The following DLG5 variants were observed in gnomAD, a reference collection of about 807,000 sequenced individuals.
DLG5 encodes discs large MAGUK scaffold protein 5, also known as disks large homolog 5.
In DLG5, 48 loss-of-function variants were observed where a neutral mutation model predicts 189.8. The observed-to-expected ratio is 0.25, with a 90% CI of 0.20 to 0.32. The LOEUF (loss-of-function observed/expected upper bound fraction) is 0.32, where lower values mean the gene tolerates loss of function less well. DLG5 is among the 10% of genes least tolerant of loss of function. DLG5 has a pLI of 1.00. For missense variants in DLG5, 2,160 were observed against 2,544.7 expected (o/e 0.85, Z 3.25); for synonymous variants, 1,016 against 1,054.1 (o/e 0.96, Z 0.70).
chr10:77,897,956 T>C (rs973335641), intron 1 of DLG5, among the ~76,000 whole-genome samples: 1 of 152,130 alleles, frequency 6.6e-6, no homozygotes, highest in Admixed American at 6.5e-5. Context: ...TCCTTTCCCA[T>C]AGATAGCATA....
At chr10:77,850,921 T>A (rs1843939150) in intron 5 of DLG5, among the ~76,000 whole-genome samples, 1 of 152,190 alleles carries the variant, frequency 6.6e-6, no homozygotes, top group Non-Finnish European at 1.5e-5. Flanking sequence ...GATGATTCTC[T>A]CAAGGAAGTA....
At chr10:77,806,583 G>A (rs1189075429) in intron 26 of DLG5, among the ~76,000 whole-genome samples, 175 bp downstream of exon 26, 1 of 152,168 alleles carries the variant, frequency 6.6e-6, no homozygotes, top group East Asian at 1.9e-4. Context: ...CTCACACTAG[G>A]AGCAGCTTTT....
At chr10:77,891,867 A>G (rs1166788658) in intron 1 of DLG5, among the ~76,000 whole-genome samples, 3 of 152,164 alleles carry the variant, frequency 2.0e-5, no homozygotes, top group Non-Finnish European at 4.4e-5. Flanking sequence ...TGCTGGCTGT[A>G]TAACTTTGAA....
In DLG5 at chr10:77,853,472, C is replaced by A; in HGVS notation, c.746G>T (p.Arg249Leu). 6.2e-7 allele frequency: 1 copy of A among 1,611,816 alleles called. No individual in the cohort carries two copies. Among genetic ancestry groups the A allele is most frequent in the East Asian group, 2.2e-5 (1 of 44,846 alleles). ...CTCCCGCAGCAGCTGCCCATTCTCCCGCCTCAGCATGTCCACGTCATCCTT... is the reference window on the plus strand; with the variant it reads ...CTCCCGCAGCAGCTGCCCATTCTCCAGCCTCAGCATGTCCACGTCATCCTT... ...RLKDDVDMLRRENGQLLRERN... is the reference protein window; with the variant it reads ...RLKDDVDMLRLENGQLLRERN... The change falls in exon 5 of 32, where the codon CGG (arginine) becomes CTG (leucine). Residue 249 changes from arginine (R) to leucine (L), a missense_variant. By Grantham distance (102) the Arg-to-Leu change is moderately radical. Around this residue, in one of 5 missense-constraint regions of DLG5, gnomAD observed 664 missense variants for 838.5 expected, o/e 0.79. Coordinates refer to ENST00000372391, the MANE Select transcript of DLG5 (RefSeq NM_004747.4).
chr10:77,901,493 C>T (rs1218903048), intron 1 of DLG5, among the ~76,000 whole-genome samples: 9 of 152,222 alleles, frequency 5.9e-5, no homozygotes, highest in Admixed American at 5.9e-4. Flanking sequence ...GGAAGTAGCA[C>T]ATCCACACAG....
chr10:77,809,995 G>A (rs925436948), intron 23 of DLG5, among the ~76,000 whole-genome samples: 11 of 152,174 alleles, frequency 7.2e-5, no homozygotes, highest in Non-Finnish European at 8.8e-5. Context: ...TCCCAGGCCC[G>A]GCTATCAATC....
rs1235398922 is a variant in DLG5 at position 77,821,858 on chromosome 10, G to A, written c.2626C>T (p.Pro876Ser). 2 of 1,614,046 alleles carry A rather than the reference G, an allele frequency of 1.2e-6. No individual in the cohort carries two copies. The highest frequency in any genetic ancestry group is 1.7e-6 in the Non-Finnish European group (2 of 1,179,934). ...SFLHKPFPGG[P>S]LQVCPQACPS... Reference sequence around the variant, plus strand: ...CAGGCCTGGGGGCAGACCTGCAAGGGTCCCCCAGGGAATGGCTTATGCAGA... The same window carrying A: ...CAGGCCTGGGGGCAGACCTGCAAGGATCCCCCAGGGAATGGCTTATGCAGA... Residue 876 changes from proline to serine, a missense_variant, in exon 15 of 32, where the codon CCC becomes TCC. This residue lies in a region of DLG5 where 754 missense variants were observed against 746.5 expected (regional missense o/e 1.01). Coordinates refer to ENST00000372391, the MANE Select transcript of DLG5 (RefSeq NM_004747.4).
At chr10:77,936,728 C>T in the DLG5 span, among the ~76,000 whole-genome samples, 16 of 152,204 alleles carry the variant, frequency 1.1e-4, no homozygotes, top group African/African-American at 3.1e-4. Flanking sequence ...CAAAACCACA[C>T]GTCAATTATT....
At chr10:77,813,687 CCACCTCCGTA>C (rs1841895646) in intron 20 of DLG5, among the ~76,000 whole-genome samples, 1 of 152,172 alleles carries the variant, frequency 6.6e-6, no homozygotes, top group Non-Finnish European at 1.5e-5. Flanking sequence ...AGAAAGAGGT[CCACCTCCGTA>C]CAACACGTGT....
Position 77,821,730 on chromosome 10 carries a change from G to A in DLG5, c.2754C>T (p.Pro918=), listed in dbSNP as rs1343661189. The A allele has an allele frequency of 6.2e-7, 1 of 1,610,660 alleles. No homozygotes were observed. The highest frequency in any genetic ancestry group is 1.3e-5 in the African/African-American group (1 of 75,048). Residue 918 remains proline, a synonymous_variant, in exon 15 of 32, where the codon CCC becomes CCT. Coordinates refer to ENST00000372391, the MANE Select transcript of DLG5 (RefSeq NM_004747.4). ...VDVRGRRPLL[P]FETEVGPCGV... ...CACAGGGGCCCACCTCGGTCTCAAA[G>A]GGCAGCAGTGGCCGCCGGCCACGCA...
At chr10:77,835,659 C>A in intron 8 of DLG5, 79 bp downstream of exon 8, 1 of 1,431,954 alleles carries the variant, frequency 7.0e-7, no homozygotes. Context: ...TAAATGATTC[C>A]GACCCTCCCA....
At chr10:77,818,531 T>C (rs1437229763) in intron 17 of DLG5, among the ~76,000 whole-genome samples, 1 of 152,184 alleles carries the variant, frequency 6.6e-6, no homozygotes, top group Non-Finnish European at 1.5e-5. Flanking sequence ...CGCTGCCCCT[T>C]TGACAAGCTC....
At position 77,796,913 on chromosome 10, in the gene DLG5, G is replaced by C. The variant is rs1327621060; in HGVS notation, c.5165-319C>G. Among the ~76,000 whole-genome samples, 1 of 152,172 alleles carries C rather than the reference G, an allele frequency of 6.6e-6. No homozygotes were observed. Among genetic ancestry groups the C allele is most frequent in the Non-Finnish European group, 1.5e-5 (1 of 68,042 alleles). ...CCATCTCCATTCTCCTCTGCTCTCT[G>C]GCAAGGCAGCCTCTGGGGTTTGGCA... On this transcript the variant is annotated intron_variant, in intron 27 of 31. Transcript: ENST00000372391. The surrounding 1 kb of genome is among the most constrained non-coding windows in gnomAD (Gnocchi z 5.2).
chr10:77,922,992 G>A (rs993160378), intron 1 of DLG5, among the ~76,000 whole-genome samples: 1 of 152,342 alleles, frequency 6.6e-6, no homozygotes, highest in Middle Eastern at 3.4e-3. Flanking sequence ...CAGGCCCCAC[G>A]TGGTAGGCTG....
In DLG5 at chr10:77,830,155, G is replaced by C. The variant is rs115669680; in HGVS notation, c.2009+62C>G. 2.4e-3 allele frequency: 3,817 copies of C among 1,604,036 alleles called. 84 individuals carry two copies. The African/African-American group carries it at 0.044, about 19-fold the overall frequency. On this transcript the variant is annotated intron_variant, in intron 11 of 31. Coordinates refer to ENST00000372391, the MANE Select transcript of DLG5 (RefSeq NM_004747.4). ...CCTAAGTGCTACCTGGCTCTCTTCG[G>C]GTCCTCTGCACTGGGAAGAAGGGCC...
At chr10:77,912,220 A>T (rs1372227688) in intron 1 of DLG5, 3 of 151,900 alleles carry the variant, frequency 2.0e-5, no homozygotes, top group Non-Finnish European at 4.4e-5. Flanking sequence ...AAAAAAAAAA[A>T]AAAAAGGTTA....
chr10:77,859,878 T>C (rs1844404713), intron 2 of DLG5, among the ~76,000 whole-genome samples: 1 of 152,174 alleles, frequency 6.6e-6, no homozygotes, highest in South Asian at 2.1e-4. Flanking sequence ...CCTCTGCAGC[T>C]TCGAAGTCTT....
At chr10:77,810,449 G>A (rs184496376) in intron 23 of DLG5, among the ~76,000 whole-genome samples, 11 of 152,310 alleles carry the variant, frequency 7.2e-5, no homozygotes, top group African/African-American at 1.2e-4. Context: ...CCTCCAGGAC[G>A]GCAGAGTGAT....
intron 5 of DLG5, among the ~76,000 whole-genome samples, chr10:77,849,660 G>T (rs1381792107): frequency 6.6e-6 from 1 of 152,168 alleles, no homozygotes; most frequent in Non-Finnish European, 1.5e-5. Context: ...ACAACGGTAG[G>T]AAAAGGAGAG....
Sources: gnomAD v4.1 joint callset for allele counts (sites outside exome capture counted in the v4.1 genomes callset) on GRCh38, gnomAD v4.1.1 for gene constraint, gnomAD v4.1.1 regional missense constraint, Gnocchi (gnomAD v3.1) non-coding constraint, MANE v1.5 for transcripts, NCBI Gene and HGNC (gene_info 2026-07-23, HGNC 2026-07-21) for gene names.